Variants in ROBO2 observed in about 807,000 individuals in gnomAD.
The protein encoded by ROBO2 is roundabout homolog 2.
Under a neutral mutation model 160.8 loss-of-function variants are expected in ROBO2, and 53 were observed. That is an observed-to-expected ratio of 0.33 (90% CI 0.26 to 0.41). ROBO2 has a LOEUF of 0.41. Among genes scored for constraint, ROBO2 ranks in the 10% least tolerant of loss-of-function variants. ROBO2 has a pLI of 1.00. For synonymous variants in ROBO2, 664 were observed against 611.7 expected (o/e 1.09, Z -1.26); for missense variants, 1,577 against 1,722.4 (o/e 0.92, Z 1.49).
intron 2 of ROBO2, among the ~76,000 whole-genome samples, chr3:77,277,402 A>G (rs911631037): frequency 6.6e-6 from 1 of 151,912 alleles, no homozygotes; most frequent in Non-Finnish European, 1.5e-5. Context: ...CCCATCACCT[A>G]GGTATTAAGC....
chr3:77,495,738 G>A (rs984627367), intron 5 of ROBO2, among the ~76,000 whole-genome samples: 1 of 152,096 alleles, frequency 6.6e-6, no homozygotes, highest in African/African-American at 2.4e-5. Context: ...GTATCAGGGG[G>A]CACATTATAT....
intron 2 of ROBO2, among the ~76,000 whole-genome samples, chr3:77,345,130 TAC>T (rs2067493900): frequency 6.6e-6 from 1 of 152,108 alleles, no homozygotes. Context: ...CAGCCAAAAC[TAC>T]AGTTATCGAA....
intron 2 of ROBO2, among the ~76,000 whole-genome samples, chr3:76,673,021 T>C (rs2092310294): frequency 6.6e-6 from 1 of 152,130 alleles, no homozygotes; most frequent in Non-Finnish European, 1.5e-5. Flanking sequence ...ACAGAAATGA[T>C]AGTAAAAGTA....
intron 1 of ROBO2, among the ~76,000 whole-genome samples, chr3:77,072,280 A>G (rs1262487118): frequency 6.6e-6 from 1 of 152,164 alleles, no homozygotes; most frequent in Non-Finnish European, 1.5e-5. Flanking sequence ...CATTATGGTG[A>G]GTTGTATACT....
rs921761497 is a variant in ROBO2, at chr3:76,031,400, T to A, written c.109+93798T>A. ...CCTGGCCAGAACTTCCAACACTATG[T>A]TGAATAGGAGTGGTGAGAGAAGGCA... On this transcript the variant is annotated intron_variant, in intron 2 of 26. Coordinates refer to the ROBO2 transcript ENST00000487694. Among the ~76,000 whole-genome samples, 11 of 152,292 alleles carry A rather than the reference T, an allele frequency of 7.2e-5. No individual in the cohort carries two copies. In the South Asian group the frequency reaches 2.3e-3, roughly 32 times the overall value.
chr3:77,493,441 A>T (rs1381946394), intron 5 of ROBO2, 59 bp downstream of exon 5: 1 of 1,580,928 alleles, frequency 6.3e-7, no homozygotes, highest in African/African-American at 1.4e-5. Flanking sequence ...TAGAAAATAA[A>T]AGGACAGCTA....
chr3:76,231,430 C>T (rs1704615849), intron 2 of ROBO2, among the ~76,000 whole-genome samples: 1 of 152,068 alleles, frequency 6.6e-6, no homozygotes, highest in Non-Finnish European at 1.5e-5. Context: ...TGCGAGTTAC[C>T]CTTGCCTGAT....
intron 2 of ROBO2, among the ~76,000 whole-genome samples, chr3:76,388,137 A>G (rs901099794): frequency 6.6e-6 from 1 of 152,110 alleles, no homozygotes; most frequent in South Asian, 2.1e-4. Flanking sequence ...GTCCCTTTGT[A>G]GATCTCATTT....
chr3:76,275,131 A>C (rs1164489651), intron 2 of ROBO2, among the ~76,000 whole-genome samples: 1 of 152,186 alleles, frequency 6.6e-6, no homozygotes, highest in Non-Finnish European at 1.5e-5. Flanking sequence ...TGCAAGTGCT[A>C]TGTGAGAGTG....
chr3:77,203,502 C>CA (rs1200009957), intron 2 of ROBO2, among the ~76,000 whole-genome samples: 31 of 152,212 alleles, frequency 2.0e-4, no homozygotes, highest in African/African-American at 7.0e-4. Flanking sequence ...ACCGAGTTAT[C>CA]GGAAGCCAAT....
intron 2 of ROBO2, among the ~76,000 whole-genome samples, chr3:76,556,882 C>T (rs949729239): frequency 6.6e-6 from 1 of 152,056 alleles, no homozygotes; most frequent in African/African-American, 2.4e-5. Flanking sequence ...CAGTAAAATC[C>T]ATTTTTTCAC....
chr3:75,937,640 T>C (rs746769030), intron 2 of ROBO2: 16 of 1,285,532 alleles, frequency 1.2e-5, no homozygotes, highest in Non-Finnish European at 1.6e-5. Flanking sequence ...GAGAGTTGGA[T>C]GCGAATTTCA....
chr3:76,665,967 A>T (rs1237513348), intron 2 of ROBO2, among the ~76,000 whole-genome samples: 21 of 138,338 alleles, frequency 1.5e-4, no homozygotes, highest in Admixed American at 5.3e-4. Context: ...TATACATATA[A>T]TATATATAAT....
intron 2 of ROBO2, among the ~76,000 whole-genome samples, chr3:76,777,690 A>AT (rs1372243629): frequency 6.6e-6 from 1 of 150,604 alleles, no homozygotes; most frequent in Non-Finnish European, 1.5e-5. Context: ...TTTACTCTGG[A>AT]TTTATACTAA....
intron 2 of ROBO2, among the ~76,000 whole-genome samples, chr3:76,143,117 C>G (rs1416962439): frequency 6.6e-6 from 1 of 151,964 alleles, no homozygotes; most frequent in Non-Finnish European, 1.5e-5. Context: ...TCCTCGAACT[C>G]CCTGGCCCAA....
chr3:77,341,246 C>G (rs147848486), intron 2 of ROBO2, among the ~76,000 whole-genome samples: 2 of 151,988 alleles, frequency 1.3e-5, no homozygotes, highest in African/African-American at 4.8e-5. Context: ...GTTAATTCCC[C>G]GAACCTCTTA....
chr3:76,151,206 T>A (rs2072183897), intron 2 of ROBO2, among the ~76,000 whole-genome samples: 1 of 152,128 alleles, frequency 6.6e-6, no homozygotes, highest in Non-Finnish European at 1.5e-5. Flanking sequence ...GAAATCTTCA[T>A]AAATGAGAGT....
chr3:76,344,568 G>T (rs1041522277), intron 2 of ROBO2, among the ~76,000 whole-genome samples: 1 of 152,134 alleles, frequency 6.6e-6, no homozygotes, highest in East Asian at 1.9e-4. Context: ...TATGTGAAAC[G>T]TGGACCTATT....
At chr3:76,737,895 C>A (rs989470206) in intron 2 of ROBO2, among the ~76,000 whole-genome samples, 1 of 152,124 alleles carries the variant, frequency 6.6e-6, no homozygotes, top group Non-Finnish European at 1.5e-5. Flanking sequence ...ACCTGTAATT[C>A]CAGCACTTTG....
Sources: gnomAD v4.1 joint callset for allele counts (sites outside exome capture counted in the v4.1 genomes callset) on GRCh38, gnomAD v4.1.1 for gene constraint, MANE v1.5 for transcripts, NCBI Gene and HGNC (gene_info 2026-07-23, HGNC 2026-07-21) for gene names.